The following PPM1B variants were observed in gnomAD, a reference collection of about 807,000 sequenced individuals.
The protein encoded by PPM1B is protein phosphatase, Mg2+/Mn2+ dependent 1B.
Under a neutral mutation model 43.0 loss-of-function variants are expected in PPM1B, and 22 were observed. The observed-to-expected ratio is 0.51, with a 90% CI of 0.37 to 0.73. The LOEUF (loss-of-function observed/expected upper bound fraction) is 0.73. PPM1B is among the 30% of genes least tolerant of loss of function. PPM1B has a pLI of 0.00. For missense variants in PPM1B, 632 were observed against 584.2 expected (o/e 1.08, Z -0.84); for synonymous variants, 217 against 197.9 (o/e 1.10, Z -0.81).
intron 1 of PPM1B, among the ~76,000 whole-genome samples, chr2:44,180,769 C>A (rs543592602): frequency 2.0e-5 from 3 of 151,842 alleles, no homozygotes; most frequent in South Asian, 2.1e-4. Flanking sequence ...GGGCACCATA[C>A]CTGGCTAAGA....
At chr2:44,174,566 T>C (rs188030805) in intron 1 of PPM1B, among the ~76,000 whole-genome samples, 1 of 152,354 alleles carries the variant, frequency 6.6e-6, no homozygotes, top group East Asian at 1.9e-4. Context: ...AGTTATGTTA[T>C]CAGGTAGATT....
downstream of PPM1B, chr2:44,233,911 G>C (rs1264799583): frequency 1.1e-5 from 11 of 985,254 alleles, no homozygotes; most frequent in Non-Finnish European, 1.3e-5. Context: ...AAAAGATAGG[G>C]AATGAAGAAT....
intron 5 of PPM1B, among the ~76,000 whole-genome samples, chr2:44,225,980 T>TC (rs1304699582): frequency 6.7e-6 from 1 of 150,178 alleles, no homozygotes; most frequent in African/African-American, 2.4e-5. Flanking sequence ...GTATGTCTTT[T>TC]TTTTTTTTTT....
At chr2:44,220,824 T>G (rs10176908) in intron 5 of PPM1B, among the ~76,000 whole-genome samples, 86,526 of 152,094 alleles carry the variant, frequency 0.57, 25,378 homozygotes, top group Admixed American at 0.68. Flanking sequence ...GAAAAGATAG[T>G]ATTTGAAGAA....
In PPM1B at chr2:44,184,258, A is replaced by C. The variant is rs534088430; in HGVS notation, c.-15+14984A>C. ...GTATCCAGTGGTTGTTCTTTTTGAT[A>C]GGACATTGACCTGTTAGCAGCATTT... On this transcript the variant is annotated intron_variant, in intron 1 of 5. Coordinates refer to ENST00000282412, the MANE Select transcript of PPM1B (RefSeq NM_002706.6). Among the ~76,000 whole-genome samples the C allele has an allele frequency of 5.9e-5, 9 of 152,330 alleles. No individual in the cohort carries two copies. The South Asian group carries it at 1.7e-3, about 28-fold the overall frequency.
At chr2:44,171,036 CT>C (rs1667316396) in intron 1 of PPM1B, among the ~76,000 whole-genome samples, 1 of 151,894 alleles carries the variant, frequency 6.6e-6, no homozygotes, top group Non-Finnish European at 1.5e-5. Flanking sequence ...TGCAGTGGTT[CT>C]TTTTGTTGCT....
intron 5 of PPM1B, among the ~76,000 whole-genome samples, chr2:44,220,343 A>C (rs1207744712): frequency 6.6e-6 from 1 of 151,882 alleles, no homozygotes; most frequent in African/African-American, 2.4e-5. Flanking sequence ...TTTTCTGTTT[A>C]ACATATACCA....
intron 1 of PPM1B, among the ~76,000 whole-genome samples, chr2:44,171,694 G>A (rs956241933): frequency 1.3e-5 from 2 of 152,126 alleles, no homozygotes; most frequent in African/African-American, 4.8e-5. Context: ...GCCAGGTGCG[G>A]TGGCGCGTGC....
downstream of PPM1B, chr2:44,232,613 G>C (rs1670500545): frequency 7.9e-7 from 1 of 1,261,298 alleles, no homozygotes; most frequent in Non-Finnish European, 1.0e-6. Context: ...CTAGAAACCA[G>C]TGGAGTTATT....
rs149391661 is a variant in PPM1B, at chr2:44,212,517, G to A, written c.964+3190G>A. Among the ~76,000 whole-genome samples the A allele has an allele frequency of 1.6e-3, 247 of 152,236 alleles. 2 individuals carry two copies. Among genetic ancestry groups the A allele is most frequent in the African/African-American group, 3.7e-3 (154 of 41,534 alleles). ...TTTGCTTAGCTAAGCAAATCCAATC[G>A]TGTTGGACAAAATTATTCAGGAACA... On this transcript the variant is annotated intron_variant, in intron 3 of 5. Coordinates refer to ENST00000282412, the MANE Select transcript of PPM1B (RefSeq NM_002706.6).
In PPM1B at chr2:44,231,392, C is replaced by G. The variant is rs1296728689; in HGVS notation, c.*674C>G. ...TTCTGTATAGCCTAACTACACACATCAAAATGTATGTCAACCAAGTGTTTA... is the reference window on the plus strand; with the variant it reads ...TTCTGTATAGCCTAACTACACACATGAAAATGTATGTCAACCAAGTGTTTA... On this transcript the variant is annotated 3_prime_UTR_variant, in exon 6 of 6. Transcript: ENST00000282412. 5 of 971,396 alleles carry G rather than the reference C, an allele frequency of 5.1e-6. No individual in the cohort carries two copies. Among genetic ancestry groups the G allele is most frequent in the African/African-American group, 1.8e-5 (1 of 56,866 alleles). 60.2% of individuals were successfully genotyped at this position (971,396 alleles called of 1,614,324 possible).
intron 5 of PPM1B, among the ~76,000 whole-genome samples, chr2:44,228,876 G>A (rs1228308762): frequency 1.3e-5 from 2 of 151,968 alleles, no homozygotes; most frequent in Non-Finnish European, 2.9e-5. Context: ...TAAGCATGCA[G>A]CTCTTAAGAA....
At chr2:44,239,179 C>CAAAAAAA (rs1193340508), downstream of PPM1B, among the ~76,000 whole-genome samples, 27 of 89,564 alleles carry the variant, frequency 3.0e-4, no homozygotes, top group Admixed American at 9.5e-4. Flanking sequence ...GTCTCTAATA[C>CAAAAAAA]AAAAAAAAAA....
chr2:44,223,046 A>G (rs1209817028), intron 5 of PPM1B, among the ~76,000 whole-genome samples: 1 of 152,110 alleles, frequency 6.6e-6, no homozygotes, highest in Non-Finnish European at 1.5e-5. Flanking sequence ...TGCCAGGGCT[A>G]GTCTTGAACT....
rs200098632 is a variant in PPM1B at position 44,192,190 on chromosome 2, G to T, written c.-14-8996G>T. 4.7e-3 allele frequency among the ~76,000 whole-genome samples: 669 copies of T among 143,622 alleles called. 1 individual carries two copies. The highest frequency in any genetic ancestry group is 0.014 in the African/African-American group (516 of 37,982). The allele number at this position is 143,622 out of a possible 152,430, so 94.2% of individuals were successfully genotyped here. A position where few individuals can be genotyped will look rare whatever the true frequency, so the allele number is the denominator to read the frequency against. ...TTTATGTTATGTTATGTTATGTTAT[G>T]GTATTGTATTGTATTGTATTGTATT... On this transcript the variant is annotated intron_variant, in intron 1 of 5. Coordinates refer to ENST00000282412, the MANE Select transcript of PPM1B (RefSeq NM_002706.6).
chr2:44,201,110 C>T lies in PPM1B; in HGVS notation c.-14-76C>T. On this transcript the variant is annotated intron_variant, in intron 1 of 5. Coordinates refer to ENST00000282412, the MANE Select transcript of PPM1B (RefSeq NM_002706.6). The surrounding 1 kb of genome is among the most constrained non-coding windows in gnomAD (Gnocchi z 5.4). Reference sequence around the variant, plus strand: ...AAAAAAATACTTGAGGTAGGAGTTACTAGACTATAGAGGGAATATTGTACA... The same window carrying T: ...AAAAAAATACTTGAGGTAGGAGTTATTAGACTATAGAGGGAATATTGTACA... 7.2e-7 allele frequency: 1 copy of T among 1,397,068 alleles called. No homozygotes were observed. Among genetic ancestry groups the T allele is most frequent in the Non-Finnish European group, 9.6e-7 (1 of 1,036,910 alleles). The allele number at this position is 1,397,068 out of a possible 1,614,324, so 86.5% of individuals were successfully genotyped here. A position where few individuals can be genotyped will look rare whatever the true frequency, so the allele number is the denominator to read the frequency against.
downstream of PPM1B, among the ~76,000 whole-genome samples, chr2:44,231,878 AG>A (rs1670479210): frequency 6.6e-6 from 1 of 152,206 alleles, no homozygotes; most frequent in Admixed American, 6.5e-5. Context: ...TTTAAATTAT[AG>A]ATTTGTCACA....
At chr2:44,243,800 C>T (rs2104297900) in intron 5 of PPM1B, among the ~76,000 whole-genome samples, 1 of 152,212 alleles carries the variant, frequency 6.6e-6, no homozygotes, top group East Asian at 1.9e-4. Flanking sequence ...TCTACATTTA[C>T]AAAAATTGAA....
chr2:44,221,558 A>C (rs1669978279), intron 5 of PPM1B, among the ~76,000 whole-genome samples: 1 of 152,188 alleles, frequency 6.6e-6, no homozygotes, highest in African/African-American at 2.4e-5. Context: ...GAAGAGGAGA[A>C]AGTTGGAAGG....
Sources: gnomAD v4.1 joint callset for allele counts (sites outside exome capture counted in the v4.1 genomes callset) on GRCh38, gnomAD v4.1.1 for gene constraint, Gnocchi (gnomAD v3.1) non-coding constraint, MANE v1.5 for transcripts, NCBI Gene and HGNC (gene_info 2026-07-23, HGNC 2026-07-21) for gene names.